Variants in TANK observed in about 807,000 individuals in gnomAD.
TANK encodes the protein TRAF family member-associated NF-kappa-B activator.
Under a neutral mutation model 43.6 loss-of-function variants are expected in TANK, and 15 were observed. The ratio of observed to expected loss-of-function variants is 0.34; its 90% CI spans 0.23 to 0.53. The LOEUF (loss-of-function observed/expected upper bound fraction) is 0.53. Among genes scored for constraint, TANK ranks in the 20% least tolerant of loss-of-function variants. The pLI is 0.94. For missense variants in TANK, 417 were observed against 498.6 expected, an observed-to-expected ratio of 0.84 and a Z score of 1.56; for synonymous variants, 162 against 178.2, an observed-to-expected ratio of 0.91 and a Z score of 0.73.
At chr2:161,212,864 G>C in intron 4 of TANK, 2 of 759,034 alleles carry the variant, frequency 2.6e-6, no homozygotes, top group Non-Finnish European at 3.2e-6. Context: ...AATACCTGAG[G>C]CTGGGGATTT....
intron 1 of TANK, chr2:161,160,997 T>C (rs1573960904): frequency 2.1e-6 from 1 of 466,744 alleles, no homozygotes; most frequent in East Asian, 4.1e-5. Flanking sequence ...CATCATAGCC[T>C]GGTCAATGAG....
chr2:161,209,048 TGAAAC>T (rs1457321147), intron 4 of TANK, among the ~76,000 whole-genome samples: 2 of 152,200 alleles, frequency 1.3e-5, no homozygotes, highest in South Asian at 2.1e-4. Flanking sequence ...CAAATATTGA[TGAAAC>T]GTAAGGGAAC....
intron 1 of TANK, among the ~76,000 whole-genome samples, chr2:161,164,961 G>A (rs756930331): frequency 6.6e-6 from 1 of 151,148 alleles, no homozygotes; most frequent in Non-Finnish European, 1.5e-5. Context: ...TCTATAAATG[G>A]TAATTATCAG....
chr2:161,204,168 G>C (rs992504178), intron 3 of TANK, among the ~76,000 whole-genome samples: 1 of 152,090 alleles, frequency 6.6e-6, no homozygotes, highest in Non-Finnish European at 1.5e-5. Flanking sequence ...TGATTCTTGT[G>C]TGAAGTTATA....
chr2:161,207,609 A>G (rs1245824524), intron 4 of TANK: 1 of 985,304 alleles, frequency 1.0e-6, no homozygotes, highest in Non-Finnish European at 1.2e-6. Flanking sequence ...GCTTAGTGTA[A>G]AAAATTAGGC....
At chr2:161,215,921 T>C (rs753938004) in intron 4 of TANK, among the ~76,000 whole-genome samples, 8 of 152,200 alleles carry the variant, frequency 5.3e-5, no homozygotes, top group Non-Finnish European at 8.8e-5. Context: ...CTAAGCTATA[T>C]ATCTTAGAAT....
chr2:161,194,528 G>T (rs978006670), intron 2 of TANK, among the ~76,000 whole-genome samples: 2 of 152,040 alleles, frequency 1.3e-5, no homozygotes, highest in Non-Finnish European at 2.9e-5. Context: ...TGAAGAGAAG[G>T]CCTAAAATAA....
chr2:161,218,174 AG>A (rs1687201685), intron 4 of TANK, among the ~76,000 whole-genome samples: 1 of 152,200 alleles, frequency 6.6e-6, no homozygotes, highest in African/African-American at 2.4e-5. Context: ...AGCAAAAAAA[AG>A]GCTATACCAA....
chr2:161,145,622 G>A (rs1683888276), intron 1 of TANK, among the ~76,000 whole-genome samples: 1 of 151,804 alleles, frequency 6.6e-6, no homozygotes, highest in African/African-American at 2.4e-5. Context: ...ATTTTGGGTT[G>A]AAAATTATTT....
At chr2:161,208,905 C>A (rs1183324983) in intron 4 of TANK, among the ~76,000 whole-genome samples, 1 of 152,100 alleles carries the variant, frequency 6.6e-6, no homozygotes, top group African/African-American at 2.4e-5. Flanking sequence ...TTAAGCTGCA[C>A]CCCTTGAAGG....
intron 4 of TANK, among the ~76,000 whole-genome samples, chr2:161,221,458 T>C (rs1210030039): frequency 6.6e-6 from 1 of 152,132 alleles, no homozygotes; most frequent in African/African-American, 2.4e-5. Context: ...TTAATCTTTA[T>C]TAAGATAATG....
intron 6 of TANK, among the ~76,000 whole-genome samples, chr2:161,228,559 C>G (rs1018013764): frequency 1.3e-5 from 2 of 152,156 alleles, no homozygotes; most frequent in Non-Finnish European, 2.9e-5. Flanking sequence ...TTAATATCAC[C>G]CTAGTGACAT....
intron 1 of TANK, among the ~76,000 whole-genome samples, chr2:161,177,400 G>C (rs575801446): frequency 5.9e-5 from 9 of 152,232 alleles, no homozygotes; most frequent in Non-Finnish European, 1.0e-4. Context: ...TTTATGATCA[G>C]TTGATTTTTG....
intron 1 of TANK, among the ~76,000 whole-genome samples, chr2:161,167,303 A>C (rs2105264588): frequency 6.6e-6 from 1 of 152,224 alleles, no homozygotes; most frequent in East Asian, 1.9e-4. Context: ...GTTCTGGTTG[A>C]ACAGGCAGTT....
At chr2:161,138,738 G>A (rs1683659021) in intron 1 of TANK, among the ~76,000 whole-genome samples, 1 of 152,150 alleles carries the variant, frequency 6.6e-6, no homozygotes, top group African/African-American at 2.4e-5. Flanking sequence ...TTATGACATT[G>A]AGTCATAGAG....
chr2:161,159,770 G>C (rs184805306), upstream of TANK, among the ~76,000 whole-genome samples: 1 of 152,312 alleles, frequency 6.6e-6, no homozygotes, highest in Admixed American at 6.5e-5. Context: ...TTCATGCATG[G>C]CTAGGAATTG....
At chr2:161,154,627 A>C (rs1684172829) in intron 1 of TANK, among the ~76,000 whole-genome samples, 3 of 152,222 alleles carry the variant, frequency 2.0e-5, no homozygotes, top group Admixed American at 2.0e-4. Flanking sequence ...AGGAGTACTC[A>C]CATGATGTAC....
rs141971242 is a variant in TANK at position 161,184,901 on chromosome 2, G to A, written c.99+5140G>A. Among the ~76,000 whole-genome samples, 485 of 152,300 alleles carry A rather than the reference G, an allele frequency of 3.2e-3. 2 individuals are homozygous for A. The highest frequency in any genetic ancestry group is 9.3e-3 in the African/African-American group (385 of 41,572). On this transcript the variant is annotated intron_variant, in intron 2 of 7. Coordinates refer to ENST00000392749, the MANE Select transcript of TANK (RefSeq NM_001199135.3). ...AAGAAGTTCTGAATTGGAAAGTGTA[G>A]ATATGGAAGTAATGGATTTTATTGT...
Position 161,204,996 on chromosome 2 carries a change from C to T in TANK, c.327+203C>T, listed in dbSNP as rs1265313656. On this transcript the variant is annotated intron_variant, in intron 4 of 7. Coordinates refer to ENST00000392749, the MANE Select transcript of TANK (RefSeq NM_001199135.3). ...TTTGTATTTCCTACTGACCGTTTTT[C>T]TACATCACAAGCATTTCAACAAAGA... 23 of 1,324,372 alleles carry T rather than the reference C, an allele frequency of 1.7e-5. 1 individual carries two copies. The highest frequency in any genetic ancestry group is 2.0e-5 in the Non-Finnish European group (21 of 1,031,986). 82.0% of individuals were successfully genotyped at this position (1,324,372 alleles called of 1,614,324 possible).
Sources: gnomAD v4.1 joint callset for allele counts (sites outside exome capture counted in the v4.1 genomes callset) on GRCh38, gnomAD v4.1.1 for gene constraint, MANE v1.5 for transcripts, NCBI Gene and HGNC (gene_info 2026-07-23, HGNC 2026-07-21) for gene names.